The following SHISA6 variants were observed in gnomAD, a reference collection of about 807,000 sequenced individuals.
The protein encoded by SHISA6 is protein shisa-6.
Under a neutral mutation model 47.9 loss-of-function variants are expected in SHISA6, and 22 were observed. The ratio of observed to expected loss-of-function variants is 0.46; its 90% CI spans 0.33 to 0.66. SHISA6 has a LOEUF of 0.66. Among genes scored for constraint, SHISA6 ranks in the 30% least tolerant of loss-of-function variants. The probability of loss-of-function intolerance (pLI) is 0.02; values close to 1 mark genes in which losing one functional copy is unlikely to be tolerated. For synonymous variants in SHISA6, 388 were observed against 337.8 expected, an observed-to-expected ratio of 1.15 and a Z score of -1.63; for missense variants, 680 against 764.6, an observed-to-expected ratio of 0.89 and a Z score of 1.30.
chr17:11,329,118 A>G (rs1911013857), intron 2 of SHISA6, among the ~76,000 whole-genome samples: 1 of 152,230 alleles, frequency 6.6e-6, no homozygotes, highest in Admixed American at 6.5e-5. Context: ...AATTGCCTGT[A>G]TTCAAAGAGG....
intron 3 of SHISA6, among the ~76,000 whole-genome samples, chr17:11,382,463 C>T (rs1382887752): frequency 2.6e-5 from 4 of 152,316 alleles, no homozygotes; most frequent in African/African-American, 7.2e-5. Flanking sequence ...ATCCTCTCTT[C>T]CTTCAGAGCA....
At chr17:11,555,282 T>G (rs1305303346) in intron 4 of SHISA6, among the ~76,000 whole-genome samples, 7 of 152,118 alleles carry the variant, frequency 4.6e-5, no homozygotes, top group Non-Finnish European at 8.8e-5. Context: ...TCAGTTCTTC[T>G]ATGGGTACAT....
chr17:11,508,301 C>T (rs530935947), intron 3 of SHISA6, among the ~76,000 whole-genome samples: 1 of 152,286 alleles, frequency 6.6e-6, no homozygotes, highest in East Asian at 1.9e-4. Flanking sequence ...ATCAAAGCAC[C>T]AGCATCTGGT....
chr17:11,520,568 T>C (rs573107613), intron 3 of SHISA6, among the ~76,000 whole-genome samples: 127 of 152,288 alleles, frequency 8.3e-4, no homozygotes, highest in Non-Finnish European at 1.5e-3. Flanking sequence ...CCAGCTACAC[T>C]GATCATTTCA....
intron 1 of SHISA6, among the ~76,000 whole-genome samples, chr17:11,243,521 T>C (rs974633423): frequency 6.6e-6 from 1 of 152,120 alleles, no homozygotes. Flanking sequence ...AAGTATCCTC[T>C]TGTGTGAGAA....
chr17:11,405,407 T>TA (rs5819315), intron 3 of SHISA6, among the ~76,000 whole-genome samples: 28 of 151,612 alleles, frequency 1.8e-4, no homozygotes, highest in Middle Eastern at 3.4e-3. Flanking sequence ...CTGGGGAACT[T>TA]AAAAAAAAAT....
chr17:11,477,948 C>T (rs1180288533), intron 3 of SHISA6, among the ~76,000 whole-genome samples: 3 of 134,550 alleles, frequency 2.2e-5, no homozygotes, highest in Non-Finnish European at 4.7e-5. Context: ...AATGGGATGG[C>T]TGGGTCAAAT....
chr17:11,353,725 G>A (rs1175846378), intron 2 of SHISA6, among the ~76,000 whole-genome samples: 1 of 152,104 alleles, frequency 6.6e-6, no homozygotes, highest in Non-Finnish European at 1.5e-5. Context: ...GATGCTTTGA[G>A]GAAAGGGAAG....
At chr17:11,382,362 A>G (rs182181987) in intron 3 of SHISA6, among the ~76,000 whole-genome samples, 71 of 152,198 alleles carry the variant, frequency 4.7e-4, no homozygotes, top group African/African-American at 1.4e-3. Context: ...TATGGGATTG[A>G]GTCACTACAT....
chr17:11,395,157 C>G (rs1034989853), intron 3 of SHISA6, among the ~76,000 whole-genome samples: 8 of 151,732 alleles, frequency 5.3e-5, no homozygotes, highest in Non-Finnish European at 1.2e-4. Context: ...CAAGGACATT[C>G]TTTTACACAG....
chr17:11,494,112 G>A (rs1298068311), intron 3 of SHISA6, among the ~76,000 whole-genome samples: 1 of 152,102 alleles, frequency 6.6e-6, no homozygotes, highest in Non-Finnish European at 1.5e-5. Flanking sequence ...TTCCCAGCAG[G>A]CTCCCAGTCC....
chr17:11,480,050 T>C (rs1269147385), intron 3 of SHISA6, among the ~76,000 whole-genome samples: 1 of 152,154 alleles, frequency 6.6e-6, no homozygotes, highest in African/African-American at 2.4e-5. Context: ...AAGGATAATT[T>C]CACAGGATAC....
intron 2 of SHISA6, among the ~76,000 whole-genome samples, chr17:11,365,149 A>G (rs1912403899): frequency 6.6e-6 from 1 of 152,214 alleles, no homozygotes; most frequent in Non-Finnish European, 1.5e-5. Context: ...TTAGTATTAA[A>G]TAATAACTAT....
chr17:11,500,238 C>G (rs75430841), intron 3 of SHISA6, among the ~76,000 whole-genome samples: 8,837 of 152,302 alleles, frequency 0.058, 320 homozygotes, highest in Middle Eastern at 0.095. Flanking sequence ...GGCCTGGAAG[C>G]CCCTTCTCAC....
chr17:11,457,845 G>C (rs748712031), intron 3 of SHISA6, among the ~76,000 whole-genome samples: 70 of 152,160 alleles, frequency 4.6e-4, no homozygotes, highest in Admixed American at 2.3e-3. Context: ...CAACACTTTG[G>C]GAAGCTGAGG....
intron 3 of SHISA6, among the ~76,000 whole-genome samples, chr17:11,542,499 A>C (rs1027061413): frequency 6.6e-6 from 1 of 152,108 alleles, no homozygotes; most frequent in Non-Finnish European, 1.5e-5. Flanking sequence ...GGCTGAAAGG[A>C]AACAGACATT....
chr17:11,428,807 C>T (rs1398972118), intron 3 of SHISA6, among the ~76,000 whole-genome samples: 1 of 116,950 alleles, frequency 8.6e-6, no homozygotes, highest in Non-Finnish European at 1.7e-5. Flanking sequence ...TTTTTTGAGA[C>T]AGAGTTTTGC....
At chr17:11,365,244 G>T (rs1912409216) in intron 2 of SHISA6, among the ~76,000 whole-genome samples, 1 of 152,050 alleles carries the variant, frequency 6.6e-6, no homozygotes, top group Non-Finnish European at 1.5e-5. Flanking sequence ...TATTAAGGTT[G>T]TCCTACATAT....
chr17:11,317,124 C>A (rs1910550825), intron 2 of SHISA6, among the ~76,000 whole-genome samples: 1 of 151,900 alleles, frequency 6.6e-6, no homozygotes, highest in Non-Finnish European at 1.5e-5. Flanking sequence ...TATATGGCTA[C>A]CTGTTTTTGT....
Sources: gnomAD v4.1 joint callset for allele counts (sites outside exome capture counted in the v4.1 genomes callset) on GRCh38, gnomAD v4.1.1 for gene constraint, MANE v1.5 for transcripts, NCBI Gene and HGNC (gene_info 2026-07-23, HGNC 2026-07-21) for gene names.